Variants in SMAD6 observed in about 807,000 individuals in gnomAD.
SMAD6 encodes the protein MAD homolog 6.
A neutral mutation model predicts 39.4 loss-of-function variants in SMAD6; 103 were observed. That is an observed-to-expected ratio of 2.62 (90% CI 2.23 to 3.08). SMAD6 has a LOEUF of 3.08. Ranked by LOEUF, SMAD6 falls within the 30% of genes most tolerant of loss-of-function variation. The probability of loss-of-function intolerance (pLI) is 0.00; values close to 1 mark genes in which losing one functional copy is unlikely to be tolerated. For synonymous variants in SMAD6, 445 were observed against 353.3 expected, an observed-to-expected ratio of 1.26 and a Z score of -2.91; for missense variants, 1,104 against 742.9, an observed-to-expected ratio of 1.49 and a Z score of -5.65.
chr15:66,725,334 C>T (rs763986452), intron 3 of SMAD6, among the ~76,000 whole-genome samples: 8 of 152,166 alleles, frequency 5.3e-5, no homozygotes, highest in Admixed American at 1.3e-4. Context: ...GGTAAGACCT[C>T]GGGGCTGGCA....
At chr15:66,776,480 C>T (rs960350000) in intron 3 of SMAD6, among the ~76,000 whole-genome samples, 4 of 152,202 alleles carry the variant, frequency 2.6e-5, no homozygotes, top group Non-Finnish European at 5.9e-5. Flanking sequence ...TATCGATGGC[C>T]ACATATCCAG....
chr15:66,714,360 C>T (rs902275735), intron 2 of SMAD6, among the ~76,000 whole-genome samples: 2 of 151,558 alleles, frequency 1.3e-5, no homozygotes, highest in South Asian at 2.1e-4. Context: ...TTGCAAGCTA[C>T]GAATGGCCTT....
In SMAD6 at chr15:66,725,794, G is replaced by A. The variant is rs76219577; in HGVS notation, c.952+9296G>A. Among the ~76,000 whole-genome samples the A allele has an allele frequency of 7.5e-3, 1,148 of 152,232 alleles. 25 individuals are homozygous for A. In the East Asian group the frequency reaches 0.078, roughly 10 times the overall value. ...GAGCATTGGGAGAGGGGTTGGAGTG[G>A]GTACAGCTGTCTGACTCCAGCTTCC... On this transcript the variant is annotated intron_variant, in intron 3 of 3. Transcript: ENST00000288840.
intron 2 of SMAD6, among the ~76,000 whole-genome samples, chr15:66,714,455 G>T (rs1480975625): frequency 6.6e-6 from 1 of 152,162 alleles, no homozygotes; most frequent in Non-Finnish European, 1.5e-5. Context: ...AGATTTTGGT[G>T]TCCGGAAGTG....
At chr15:66,759,617 G>A (rs1894164319) in intron 3 of SMAD6, among the ~76,000 whole-genome samples, 1 of 152,164 alleles carries the variant, frequency 6.6e-6, no homozygotes, top group Non-Finnish European at 1.5e-5. Context: ...ACCGTGCTTT[G>A]TTGGATCTTC....
intron 3 of SMAD6, among the ~76,000 whole-genome samples, chr15:66,767,351 G>A (rs12900566): frequency 0.42 from 63,272 of 151,924 alleles, 14,218 homozygotes; most frequent in Admixed American, 0.55. Flanking sequence ...AACCAGTCTT[G>A]GACTTGGGAT....
At chr15:66,775,905 C>G (rs191108247) in intron 3 of SMAD6, among the ~76,000 whole-genome samples, 1 of 152,332 alleles carries the variant, frequency 6.6e-6, no homozygotes, top group Admixed American at 6.5e-5. Flanking sequence ...GACTGAGAGG[C>G]ACAGGGGGAG....
At chr15:66,741,751 G>A (rs1015139860) in intron 3 of SMAD6, among the ~76,000 whole-genome samples, 10 of 152,320 alleles carry the variant, frequency 6.6e-5, no homozygotes, top group Admixed American at 6.5e-4. Context: ...GTGGTTTTTA[G>A]TATATTTGCA....
At chr15:66,717,163 C>A (rs189683568) in intron 3 of SMAD6, 3 of 1,284,378 alleles carry the variant, frequency 2.3e-6, no homozygotes, top group Non-Finnish European at 3.0e-6. Context: ...CTGGGGACAT[C>A]GAGGGCCAGG....
Position 66,703,086 on chromosome 15 carries a change from T to G in SMAD6, c.-173T>G. On this transcript the variant is annotated 5_prime_UTR_variant, in exon 1 of 4. The change abolishes an upstream ATG in the 5' untranslated region. Transcript: ENST00000288840. ...CGTCCCGCCTCGGCGAGCTCCCTCA[T>G]GTTGTCGCCCTGCGGCGCCCCTTCG... 4.5e-6 allele frequency: 2 copies of G among 443,724 alleles called. No homozygotes were observed. Among genetic ancestry groups the G allele is most frequent in the East Asian group, 3.6e-5 (1 of 27,672 alleles). 27.5% of individuals were successfully genotyped at this position (443,724 alleles called of 1,614,324 possible). A position where few individuals can be genotyped will look rare whatever the true frequency, so the allele number is the denominator to read the frequency against.
At chr15:66,734,715 T>C (rs1261950438) in intron 3 of SMAD6, among the ~76,000 whole-genome samples, 1 of 152,040 alleles carries the variant, frequency 6.6e-6, no homozygotes, top group Non-Finnish European at 1.5e-5. Flanking sequence ...TGATGGGAAG[T>C]GACTGTTTAT....
chr15:66,703,948 TC>T lies in SMAD6; in HGVS notation c.691del (p.Arg231AlafsTer11), dbSNP rs1433447195. On this transcript the variant is annotated frameshift_variant, in exon 1 of 4. Coordinates refer to ENST00000288840, the MANE Select transcript of SMAD6 (RefSeq NM_005585.5). LOFTEE classifies it high-confidence loss of function. The stretch of plus-strand genomic sequence containing the variant: ...CGCAGCTGCTGCTCGGCCGCCTCTT[TC>T]GCTGGCCCGACCTGCAGCACGCCGT... ...PPQLLLGRLF[R>X]WPDLQHAVEL... 1.4e-6 allele frequency: 2 copies of T among 1,406,564 alleles called. No individual in the cohort carries two copies. Among genetic ancestry groups the T allele is most frequent in the African/African-American group, 1.5e-5 (1 of 67,230 alleles). The allele number at this position is 1,406,564 out of a possible 1,614,324, so 87.1% of individuals were successfully genotyped here. A position where few individuals can be genotyped will look rare whatever the true frequency, so the allele number is the denominator to read the frequency against.
At position 66,716,412 on chromosome 15, in the gene SMAD6, C is replaced by T. The variant is rs780712240; in HGVS notation, c.875-9C>T. 1.9e-6 allele frequency: 3 copies of T among 1,608,186 alleles called. No individual in the cohort carries two copies. The highest frequency in any genetic ancestry group is 1.3e-5 in the African/African-American group (1 of 74,786). ...GCCAACTAAGTTCTCTTTTTCTTTC[C>T]TCCCACAGATCTGTCCGATTCCACA... is the stretch of plus-strand genomic sequence containing the variant. On this transcript the variant is annotated splice_polypyrimidine_tract_variant and intron_variant, in intron 2 of 3. Coordinates refer to ENST00000288840, the MANE Select transcript of SMAD6 (RefSeq NM_005585.5).
chr15:66,716,604 T>G, intron 3 of SMAD6, 106 bp downstream of exon 3: 1 of 845,052 alleles, frequency 1.2e-6, no homozygotes, highest in South Asian at 1.4e-5. Context: ...CTTCTTTTTG[T>G]TTCCCTTTTC....
Position 66,716,423 on chromosome 15 carries a change from C to T in SMAD6, c.877C>T (p.Leu293=), listed in dbSNP as rs748357055. The T allele has an allele frequency of 3.2e-5, 52 of 1,611,652 alleles. No individual in the cohort carries two copies. Among genetic ancestry groups the T allele is most frequent in the Non-Finnish European group, 4.4e-5 (52 of 1,177,792 alleles). The change falls in exon 3 of 4, where the codon CTG becomes TTG. Residue 293 remains leucine (L), a splice_region_variant and synonymous_variant. Coordinates refer to ENST00000288840, the MANE Select transcript of SMAD6 (RefSeq NM_005585.5). ...TCTCTTTTTCTTTCCTCCCACAGAT[C>T]TGTCCGATTCCACATTGTCTTACAC... ...SPRDEYKPLD[L]SDSTLSYTET...
At chr15:66,749,613 C>CA (rs11431229) in intron 3 of SMAD6, among the ~76,000 whole-genome samples, 6,854 of 151,802 alleles carry the variant, frequency 0.045, 534 homozygotes, top group African/African-American at 0.16. Flanking sequence ...GATCCTACCT[C>CA]AAAAAAACAA....
At chr15:66,734,525 C>T (rs1213978318) in intron 3 of SMAD6, among the ~76,000 whole-genome samples, 1 of 152,192 alleles carries the variant, frequency 6.6e-6, no homozygotes, top group East Asian at 1.9e-4. Context: ...CCAGGAGCTG[C>T]TCTAAGTACT....
rs2140604780 is a variant in SMAD6, at chr15:66,716,465, A to C, written c.919A>C (p.Asn307His). 1 of 1,613,878 alleles carries C rather than the reference A, an allele frequency of 6.2e-7. No individual in the cohort carries two copies. Among genetic ancestry groups the C allele is most frequent in the East Asian group, 2.2e-5 (1 of 44,892 alleles). ...GTCTTACACTGAAACGGAGGCTACC[A>C]ACTCCCTCATCACTGCTCCGGGTGA... Reference protein sequence around the residue: ...TLSYTETEATNSLITAPGEFS... With the variant: ...TLSYTETEATHSLITAPGEFS... The change falls in exon 3 of 4, where the codon AAC becomes CAC. Residue 307 changes from asparagine to histidine, a missense_variant. Physicochemically the swap from Asn to His is moderately conservative, Grantham distance 68 (BLOSUM62 1). Transcript: ENST00000288840.
In SMAD6 at chr15:66,781,253, C is replaced by A; in HGVS notation, c.1209C>A (p.Tyr403Ter). 6.2e-7 allele frequency: 1 copy of A among 1,608,360 alleles called. No homozygotes were observed. The highest frequency in any genetic ancestry group is 1.7e-5 in the Admixed American group (1 of 59,970). The change falls in exon 4 of 4, where the codon TAC (tyrosine) becomes TAA (stop). Residue 403 changes from tyrosine (Y) to a stop codon, truncating the protein, a stop_gained. Transcript: ENST00000288840. LOFTEE classifies it high-confidence loss of function. ...LSKEPDGVWAYNRGEHPIFVN... is the reference protein window; with the variant it reads ...LSKEPDGVWA ...AGGAGCCCGACGGCGTGTGGGCCTA[C>A]AACCGCGGCGAGCACCCCATCTTCG...
Sources: allele counts gnomAD v4.1 joint callset (sites outside exome capture counted in the v4.1 genomes callset), GRCh38; gene constraint gnomAD v4.1.1; transcripts MANE v1.5; gene names NCBI Gene and HGNC (gene_info 2026-07-23, HGNC 2026-07-21).